The following MAP4K3 variants were observed in gnomAD, a reference collection of about 807,000 sequenced individuals.
MAP4K3 encodes mitogen-activated protein kinase kinase kinase kinase 3, also known as MAPK/ERK kinase kinase kinase 3.
In MAP4K3, 94 loss-of-function variants were observed where a neutral mutation model predicts 143.5. The observed-to-expected ratio is 0.65, with a 90% confidence interval of 0.55 to 0.78. The LOEUF (loss-of-function observed/expected upper bound fraction) is 0.78. MAP4K3 is among the 30% of genes least tolerant of loss of function. The pLI is 0.00. For missense variants in MAP4K3, 1,077 were observed against 1,068.1 expected (o/e 1.01, Z -0.12); for synonymous variants, 416 against 347.2 (o/e 1.20, Z -2.20).
intron 1 of MAP4K3, among the ~76,000 whole-genome samples, chr2:39,397,872 C>T (rs114551880): frequency 0.011 from 1,747 of 152,194 alleles, 35 homozygotes; most frequent in African/African-American, 0.039. Flanking sequence ...AAAAGAAATA[C>T]AAATGGCCCT....
At chr2:39,333,999 G>GTGTT (rs780948427) in intron 6 of MAP4K3, among the ~76,000 whole-genome samples, 43 of 144,186 alleles carry the variant, frequency 3.0e-4, no homozygotes, top group Admixed American at 6.1e-4. Flanking sequence ...GTGTGTGTGT[G>GTGTT]TTTTTAAAAG....
intron 21 of MAP4K3, among the ~76,000 whole-genome samples, chr2:39,286,450 GCTTT>G (rs531930087): frequency 6.6e-6 from 1 of 152,286 alleles, no homozygotes; most frequent in East Asian, 1.9e-4. Context: ...AGAAGCTACA[GCTTT>G]CTTTATCTAT....
intron 3 of MAP4K3, among the ~76,000 whole-genome samples, chr2:39,350,652 C>T (rs1399680228): frequency 6.6e-6 from 1 of 152,162 alleles, no homozygotes; most frequent in Non-Finnish European, 1.5e-5. Context: ...AAGAGACCAA[C>T]ATCTCTTTCC....
intron 15 of MAP4K3, among the ~76,000 whole-genome samples, chr2:39,305,897 T>C (rs1357442080): frequency 6.6e-6 from 1 of 152,142 alleles, no homozygotes; most frequent in East Asian, 1.9e-4. Flanking sequence ...TGGCACAATC[T>C]TGGCTCACTG....
chr2:39,260,956 A>C, intron 28 of MAP4K3, 179 bp from the exon 29 acceptor site: 1 of 530,220 alleles, frequency 1.9e-6, no homozygotes, highest in Non-Finnish European at 3.3e-6. Context: ...TACCACCGCA[A>C]AATATTTTAA....
intron 8 of MAP4K3, 79 bp downstream of exon 8, chr2:39,331,838 C>T: frequency 1.1e-6 from 1 of 930,118 alleles, no homozygotes; most frequent in East Asian, 2.7e-5. Context: ...CTGAAAAATT[C>T]TGACCAGTCT....
At chr2:39,256,343 G>C (rs1365915049) in intron 31 of MAP4K3, among the ~76,000 whole-genome samples, 1 of 151,810 alleles carries the variant, frequency 6.6e-6, no homozygotes, top group African/African-American at 2.4e-5. Flanking sequence ...TCCTTATTTA[G>C]TTCTCCACTT....
At chr2:39,366,125 C>A (rs1478121263) in intron 2 of MAP4K3, among the ~76,000 whole-genome samples, 2 of 152,090 alleles carry the variant, frequency 1.3e-5, no homozygotes, top group Admixed American at 1.3e-4. Context: ...ATGAAAGAGT[C>A]CTCAGGAGAC....
chr2:39,296,904 T>C (rs1212072753), intron 16 of MAP4K3, among the ~76,000 whole-genome samples: 1 of 152,174 alleles, frequency 6.6e-6, no homozygotes, highest in African/African-American at 2.4e-5. Flanking sequence ...CAGGTACTAT[T>C]ATATTATCCA....
intron 1 of MAP4K3, among the ~76,000 whole-genome samples, chr2:39,403,891 CCACA>C (rs1344295165): frequency 1.3e-5 from 2 of 151,182 alleles, no homozygotes; most frequent in African/African-American, 4.9e-5. Flanking sequence ...ACCAGCTCAG[CCACA>C]CTAGGATATA....
chr2:39,329,020 T>C (rs925813367), intron 8 of MAP4K3, among the ~76,000 whole-genome samples: 1 of 152,182 alleles, frequency 6.6e-6, no homozygotes, highest in African/African-American at 2.4e-5. Flanking sequence ...GTAGGAAAGA[T>C]ATAATACCAG....
At chr2:39,411,778 T>A (rs147032248) in intron 1 of MAP4K3, among the ~76,000 whole-genome samples, 62 of 152,334 alleles carry the variant, frequency 4.1e-4, no homozygotes, top group African/African-American at 1.4e-3. Flanking sequence ...TGTGACGATC[T>A]GCAGAGAGGG....
chr2:39,328,522 T>C (rs573074242), intron 8 of MAP4K3, among the ~76,000 whole-genome samples: 8 of 151,986 alleles, frequency 5.3e-5, no homozygotes, highest in African/African-American at 1.2e-4. Flanking sequence ...GGCACAAATA[T>C]AGAGACAGAA....
chr2:39,309,548 A>AT (rs749101883), intron 13 of MAP4K3, 29 bp from the exon 14 acceptor site: 35,682 of 332,876 alleles, frequency 0.11, 1,277 homozygotes, highest in South Asian at 0.13. Flanking sequence ...TAAAACCAGG[A>AT]TTTTTTTTTT....
At chr2:39,291,027 T>C (rs1308427386) in intron 18 of MAP4K3, among the ~76,000 whole-genome samples, 2 of 152,138 alleles carry the variant, frequency 1.3e-5, no homozygotes, top group Admixed American at 6.5e-5. Context: ...ATCACACCAC[T>C]GCACTCCAGC....
chr2:39,259,973 T>C (rs1424931804), intron 29 of MAP4K3, among the ~76,000 whole-genome samples: 1 of 152,230 alleles, frequency 6.6e-6, no homozygotes, highest in Non-Finnish European at 1.5e-5. Flanking sequence ...GGTGTGTTCA[T>C]GCACAATTGT....
Position 39,350,759 on chromosome 2 carries a change from C to G in MAP4K3, c.245+5490G>C, listed in dbSNP as rs530195728. On this transcript the variant is annotated intron_variant, in intron 3 of 33. Coordinates refer to ENST00000263881, the MANE Select transcript of MAP4K3 (RefSeq NM_003618.4). ...CCATCCTCCACAGAATATACTAACT[C>G]TGTTAAAATCTTTCAGCAAGTATGC... 9.5e-4 allele frequency among the ~76,000 whole-genome samples: 144 copies of G among 152,276 alleles called. 1 individual carries two copies. The highest frequency in any genetic ancestry group is 3.1e-3 in the African/African-American group (129 of 41,544).
intron 1 of MAP4K3, among the ~76,000 whole-genome samples, chr2:39,387,801 C>T (rs1004764624): frequency 1.3e-5 from 2 of 152,216 alleles, no homozygotes; most frequent in African/African-American, 4.8e-5. Flanking sequence ...AATAGCCTCT[C>T]TTTTCTTAAG....
chr2:39,325,671 G>T, intron 11 of MAP4K3, 43 bp from the exon 12 acceptor site: 1 of 1,556,872 alleles, frequency 6.4e-7, no homozygotes, highest in South Asian at 1.1e-5. Context: ...CTATAAATCT[G>T]ATTGAATAAC....
Sources: allele counts gnomAD v4.1 joint callset (sites outside exome capture counted in the v4.1 genomes callset), GRCh38; gene constraint gnomAD v4.1.1; transcripts MANE v1.5; gene names NCBI Gene and HGNC (gene_info 2026-07-23, HGNC 2026-07-21).